WDR27: variants seen among roughly 807,000 people sequenced by gnomAD.
WDR27 encodes WD repeat domain 27.
A neutral mutation model predicts 114.4 loss-of-function variants in WDR27; 100 were observed. That is an observed-to-expected ratio of 0.87 (90% confidence interval 0.74 to 1.03). The LOEUF (loss-of-function observed/expected upper bound fraction) is 1.03. WDR27 is among the 50% of genes least tolerant of loss of function. The probability of loss-of-function intolerance (pLI) is 0.00; values close to 1 mark genes in which losing one functional copy is unlikely to be tolerated. For missense variants in WDR27, 1,129 were observed against 1,092.9 expected (o/e 1.03, Z -0.47); for synonymous variants, 449 against 423.1 (o/e 1.06, Z -0.75).
intron 2 of WDR27, among the ~76,000 whole-genome samples, chr6:169,676,695 T>C (rs776257246): frequency 6.6e-6 from 1 of 152,200 alleles, no homozygotes; most frequent in Non-Finnish European, 1.5e-5. Context: ...ATTCCTTCTA[T>C]TGAGTCTAGG....
intron 23 of WDR27, among the ~76,000 whole-genome samples, chr6:169,588,173 C>T (rs1166834965): frequency 6.6e-6 from 1 of 152,094 alleles, no homozygotes; most frequent in Admixed American, 6.5e-5. Flanking sequence ...AACTCCTGAG[C>T]TCACCACAAC....
chr6:169,531,294 G>A (rs900293790), intron 25 of WDR27, among the ~76,000 whole-genome samples: 7 of 151,966 alleles, frequency 4.6e-5, no homozygotes, highest in Non-Finnish European at 1.0e-4. Flanking sequence ...TTTTTCTACT[G>A]GAGTTCATTC....
chr6:169,582,692 C>T (rs57620695), intron 24 of WDR27, 144 bp downstream of exon 24: 2 of 539,964 alleles, frequency 3.7e-6, no homozygotes, highest in Non-Finnish European at 6.4e-6. Flanking sequence ...AATATATTTC[C>T]TAAGTTCTCC....
chr6:169,513,838 C>G (rs1317069611), intron 25 of WDR27, among the ~76,000 whole-genome samples: 2 of 151,964 alleles, frequency 1.3e-5, no homozygotes, highest in African/African-American at 4.8e-5. Context: ...GACATGGGCA[C>G]AGCCCTAAAG....
At chr6:169,574,438 T>TAAAAC (rs71010603) in intron 24 of WDR27, among the ~76,000 whole-genome samples, 86,765 of 151,346 alleles carry the variant, frequency 0.57, 27,122 homozygotes, top group Non-Finnish European at 0.69. Context: ...TAAAATGTAT[T>TAAAAC]AAAACAAAAC....
rs984852643 is a variant in WDR27, at chr6:169,563,338, G to A, written c.2645+9081C>T. 3.4e-4 allele frequency among the ~76,000 whole-genome samples: 52 copies of A among 152,044 alleles called. 1 individual carries two copies. The highest frequency in any genetic ancestry group is 3.1e-3 in the Admixed American group (48 of 15,266). ...GCCAAAAAAGTAGCAGCTGAACCAC[G>A]CGTGAGTCCTGACGGGAGCCCACAA... is the stretch of plus-strand genomic sequence containing the variant. On this transcript the variant is annotated intron_variant, in intron 25 of 25. Transcript: ENST00000448612.
At chr6:169,473,133 A>G (rs1241554637) in intron 25 of WDR27, among the ~76,000 whole-genome samples, 1 of 152,254 alleles carries the variant, frequency 6.6e-6, no homozygotes, top group African/African-American at 2.4e-5. Flanking sequence ...AAAAAGCAAC[A>G]AAGTCCAGCA....
chr6:169,564,088 A>C (rs2008768), intron 25 of WDR27, among the ~76,000 whole-genome samples: 89,849 of 152,166 alleles, frequency 0.59, 29,257 homozygotes, highest in Non-Finnish European at 0.72. Context: ...GTAGGGAAGC[A>C]AACAATGTAG....
chr6:169,480,318 C>T (rs1450493860), intron 25 of WDR27, among the ~76,000 whole-genome samples: 2 of 152,198 alleles, frequency 1.3e-5, no homozygotes, highest in Non-Finnish European at 1.5e-5. Context: ...CCGAGCCCCA[C>T]CCCTGCCACT....
At chr6:169,589,038 A>G (rs923803814) in intron 23 of WDR27, among the ~76,000 whole-genome samples, 9 of 152,318 alleles carry the variant, frequency 5.9e-5, no homozygotes, top group Non-Finnish European at 1.0e-4. Flanking sequence ...GGTTTAGGGC[A>G]TCCTCAAATT....
chr6:169,620,222 T>C (rs1345716309), intron 21 of WDR27, among the ~76,000 whole-genome samples: 11 of 152,102 alleles, frequency 7.2e-5, no homozygotes, highest in Admixed American at 7.2e-4. Flanking sequence ...AGAAAATGAA[T>C]CTTGGGACCC....
At chr6:169,676,462 T>C (rs540146544) in intron 2 of WDR27, among the ~76,000 whole-genome samples, 2 of 152,238 alleles carry the variant, frequency 1.3e-5, no homozygotes, top group East Asian at 1.9e-4. Flanking sequence ...TATCTTGACA[T>C]AGGCCTGCGA....
chr6:169,464,331 A>C (rs550652560), intron 25 of WDR27, among the ~76,000 whole-genome samples: 42 of 152,322 alleles, frequency 2.8e-4, no homozygotes, highest in African/African-American at 9.4e-4. Flanking sequence ...AGACATCCAC[A>C]CGCAAAAGAA....
chr6:169,681,329 C>G (rs778107028), intron 2 of WDR27, among the ~76,000 whole-genome samples: 1 of 152,152 alleles, frequency 6.6e-6, no homozygotes, highest in East Asian at 1.9e-4. Context: ...TCATATCTCC[C>G]GACAATAACA....
rs377000723 is a variant in WDR27, at chr6:169,659,178, G to A, written c.1227C>T (p.Gly409=). The change falls in exon 12 of 26, where the codon GGC becomes GGT. Residue 409 remains glycine, a synonymous_variant. Coordinates refer to ENST00000448612, the MANE Select transcript of WDR27 (RefSeq NM_182552.5). This position sits in a 1 kb window ranked among gnomAD's most constrained non-coding sequence, Gnocchi z 4.3. ...KVLCLLASLF[G]GKIAVLEINP... is the part of the protein sequence containing the mutation. ...TGATCTCCAACACGGCAATCTTCCC[G>A]CCAAAGAGGGAGGCCAGCAAGCACA... is the stretch of plus-strand genomic sequence containing the variant. The A allele has an allele frequency of 1.4e-5, 22 of 1,610,234 alleles. No individual in the cohort carries two copies. Among genetic ancestry groups the A allele is most frequent in the African/African-American group, 4.0e-5 (3 of 74,774 alleles).
chr6:169,550,035 T>C (rs1797897238), intron 25 of WDR27, among the ~76,000 whole-genome samples: 2 of 152,010 alleles, frequency 1.3e-5, no homozygotes, highest in Non-Finnish European at 2.9e-5. Context: ...ACTTTGGTGA[T>C]GATGATGTGT....
chr6:169,438,194 T>C, the WDR27 span, among the ~76,000 whole-genome samples: 4 of 152,060 alleles, frequency 2.6e-5, no homozygotes, highest in South Asian at 8.3e-4. Context: ...TAAGTTGTTC[T>C]ACGCAACCAG....
chr6:169,693,914 C>T (rs1418124962), intron 1 of WDR27, among the ~76,000 whole-genome samples: 3 of 152,208 alleles, frequency 2.0e-5, no homozygotes, highest in Non-Finnish European at 4.4e-5. Flanking sequence ...ACTCCACTGA[C>T]AGCACTAGAA....
intron 21 of WDR27, among the ~76,000 whole-genome samples, chr6:169,617,496 C>T (rs1324852747): frequency 1.3e-5 from 2 of 152,192 alleles, no homozygotes; most frequent in Non-Finnish European, 2.9e-5. Flanking sequence ...CTGCCTCAGC[C>T]TCCCAAGTGG....
Sources: allele counts gnomAD v4.1 joint callset (sites outside exome capture counted in the v4.1 genomes callset), GRCh38; gene constraint gnomAD v4.1.1; non-coding constraint Gnocchi (gnomAD v3.1); transcripts MANE v1.5; gene names NCBI Gene and HGNC (gene_info 2026-07-23, HGNC 2026-07-21).